Variants in ERBB4 observed in about 807,000 individuals in gnomAD.
ERBB4 encodes the protein receptor tyrosine-protein kinase erbB-4.
In ERBB4, 42 loss-of-function variants were observed where a neutral mutation model predicts 158.0. The ratio of observed to expected loss-of-function variants is 0.27; its 90% CI spans 0.21 to 0.34. The LOEUF (loss-of-function observed/expected upper bound fraction) is 0.34. Among genes scored for constraint, ERBB4 ranks in the 10% least tolerant of loss-of-function variants. The pLI is 1.00. For missense variants in ERBB4, 1,333 were observed against 1,624.1 expected (o/e 0.82, Z 3.08); for synonymous variants, 583 against 558.7 (o/e 1.04, Z -0.61).
rs538852461 is a variant in ERBB4, at chr2:211,559,987, C to G, written c.2487+1916G>C. The stretch of plus-strand genomic sequence containing the variant: ...AGAGAAGGGTTGACTAGGAAAGACT[C>G]CATAAATGGAGGATGCCCAAACAGG... On this transcript the variant is annotated intron_variant, in intron 20 of 27. Coordinates refer to ENST00000342788, the MANE Select transcript of ERBB4 (RefSeq NM_005235.3). Among the ~76,000 whole-genome samples, 28 of 152,200 alleles carry G rather than the reference C, an allele frequency of 1.8e-4. No homozygotes were observed. The South Asian group carries it at 5.0e-3, about 27-fold the overall frequency.
chr2:212,344,492 G>GTATATA (rs2088884533), intron 1 of ERBB4, among the ~76,000 whole-genome samples: 2 of 151,950 alleles, frequency 1.3e-5, no homozygotes, highest in African/African-American at 4.8e-5. Context: ...GTGTGTGTGT[G>GTATATA]TGTGTATATG....
At chr2:211,765,740 T>C (rs960292926) in intron 4 of ERBB4, among the ~76,000 whole-genome samples, 1 of 152,232 alleles carries the variant, frequency 6.6e-6, no homozygotes, top group African/African-American at 2.4e-5. Context: ...TTTAGAAATG[T>C]AGAAGTGATG....
chr2:211,701,627 G>A (rs749414585), intron 12 of ERBB4, among the ~76,000 whole-genome samples: 3 of 151,612 alleles, frequency 2.0e-5, no homozygotes, highest in Non-Finnish European at 2.9e-5. Context: ...GCGCGGCGGC[G>A]GGCGCCTGTA....
chr2:211,465,205 C>G (rs1363949746), intron 20 of ERBB4, among the ~76,000 whole-genome samples: 1 of 151,986 alleles, frequency 6.6e-6, no homozygotes, highest in Non-Finnish European at 1.5e-5. Flanking sequence ...AGACTACCCA[C>G]CAAGGAAAAA....
intron 1 of ERBB4, among the ~76,000 whole-genome samples, chr2:212,137,981 T>G (rs73987244): frequency 0.022 from 3,293 of 152,306 alleles, 121 homozygotes; most frequent in African/African-American, 0.075. Flanking sequence ...CAATACATGG[T>G]GCTCTGGGTT....
chr2:211,879,347 CA>C (rs2078601096), intron 3 of ERBB4, among the ~76,000 whole-genome samples: 2 of 152,068 alleles, frequency 1.3e-5, no homozygotes, highest in South Asian at 4.1e-4. Context: ...TATAGAATAA[CA>C]GGCAAAATAT....
chr2:212,433,478 C>T (rs1327728134), intron 1 of ERBB4, among the ~76,000 whole-genome samples: 1 of 151,914 alleles, frequency 6.6e-6, no homozygotes, highest in African/African-American at 2.4e-5. Flanking sequence ...TATTCAATCA[C>T]CTGTATTTTT....
In ERBB4 at chr2:212,419,941, T is replaced by C. The variant is rs79556403; in HGVS notation, c.82+118508A>G. On this transcript the variant is annotated intron_variant, in intron 1 of 27. Coordinates refer to ENST00000342788, the MANE Select transcript of ERBB4 (RefSeq NM_005235.3). ...TACTTGTTTACACTATTTTCCTCAA[T>C]GTATTTCTTAAATATCTTGTGCTAT... 9.9e-5 allele frequency among the ~76,000 whole-genome samples: 15 copies of C among 152,120 alleles called. No individual in the cohort carries two copies. The East Asian group carries it at 2.7e-3, about 27-fold the overall frequency.
intron 3 of ERBB4, among the ~76,000 whole-genome samples, chr2:211,889,091 G>C (rs916724308): frequency 2.1e-5 from 3 of 141,866 alleles, no homozygotes; most frequent in Non-Finnish European, 3.0e-5. Flanking sequence ...CCACCTCTGG[G>C]GGCAGGGCAC....
intron 2 of ERBB4, among the ~76,000 whole-genome samples, chr2:212,058,883 G>A (rs2077668048): frequency 6.6e-6 from 1 of 152,142 alleles, no homozygotes; most frequent in Admixed American, 6.5e-5. Context: ...ACTGGCACAA[G>A]ACAGGGATGC....
chr2:212,156,956 C>T (rs931797039), intron 1 of ERBB4, among the ~76,000 whole-genome samples: 2 of 152,104 alleles, frequency 1.3e-5, no homozygotes, highest in African/African-American at 4.8e-5. Context: ...CCTAACTGGT[C>T]TCCTGTGCTT....
At chr2:211,775,749 T>C (rs2075856827) in intron 4 of ERBB4, among the ~76,000 whole-genome samples, 1 of 152,226 alleles carries the variant, frequency 6.6e-6, no homozygotes, top group African/African-American at 2.4e-5. Context: ...CCAAGCACTC[T>C]GCTCTTGGTT....
At chr2:211,759,226 A>AC (rs1416648872) in intron 4 of ERBB4, among the ~76,000 whole-genome samples, 4 of 151,980 alleles carry the variant, frequency 2.6e-5, no homozygotes, top group Non-Finnish European at 5.9e-5. Flanking sequence ...ATTTCTCACC[A>AC]CCTGCACCAT....
At chr2:212,385,883 A>G (rs575816250) in intron 1 of ERBB4, among the ~76,000 whole-genome samples, 19 of 151,974 alleles carry the variant, frequency 1.3e-4, no homozygotes, top group Non-Finnish European at 2.6e-4. Context: ...ACAGTCTTAC[A>G]TATAGGCAGA....
intron 19 of ERBB4, among the ~76,000 whole-genome samples, chr2:211,618,500 T>C (rs1224507739): frequency 4.6e-5 from 7 of 151,970 alleles, no homozygotes; most frequent in African/African-American, 1.2e-4. Context: ...AGCCTGACTA[T>C]AATCCAGCCT....
At chr2:211,670,036 T>A (rs759039936) in intron 14 of ERBB4, among the ~76,000 whole-genome samples, 5 of 152,228 alleles carry the variant, frequency 3.3e-5, no homozygotes. Flanking sequence ...CAACAGAATA[T>A]ATCATAAGAT....
intron 2 of ERBB4, among the ~76,000 whole-genome samples, chr2:211,975,174 C>A (rs1235261335): frequency 6.6e-6 from 1 of 152,088 alleles, no homozygotes; most frequent in African/African-American, 2.4e-5. Context: ...TAGATATGAG[C>A]TTTTGCCTTG....
At chr2:211,489,545 G>C (rs997846628) in intron 20 of ERBB4, among the ~76,000 whole-genome samples, 5 of 151,890 alleles carry the variant, frequency 3.3e-5, no homozygotes, top group African/African-American at 7.2e-5. Flanking sequence ...TAATAGCTAT[G>C]TTCATTTTCT....
intron 1 of ERBB4, among the ~76,000 whole-genome samples, chr2:212,459,035 A>G (rs1688442726): frequency 6.6e-6 from 1 of 152,162 alleles, no homozygotes; most frequent in Non-Finnish European, 1.5e-5. Context: ...GCTCCTTTGG[A>G]TAACCAAAAT....
Sources: allele counts gnomAD v4.1 joint callset (sites outside exome capture counted in the v4.1 genomes callset), GRCh38; gene constraint gnomAD v4.1.1; transcripts MANE v1.5; gene names NCBI Gene and HGNC (gene_info 2026-07-23, HGNC 2026-07-21).